The following DNM3 variants were observed in gnomAD, a reference collection of about 807,000 sequenced individuals.
DNM3 encodes the protein dynamin-3.
In DNM3, 47 loss-of-function variants were observed where a neutral mutation model predicts 101.6. The ratio of observed to expected loss-of-function variants is 0.46; its 90% CI spans 0.37 to 0.59. DNM3 has a LOEUF of 0.59. DNM3 is among the 20% of genes least tolerant of loss of function. The pLI, the probability that DNM3 is intolerant of heterozygous loss-of-function variation, is 0.00. For missense variants in DNM3, 849 were observed against 1,085.7 expected (o/e 0.78, Z 3.06); for synonymous variants, 385 against 387.9 (o/e 0.99, Z 0.09).
chr1:172,035,029 A>G lies in DNM3; in HGVS notation c.849+1764A>G, dbSNP rs563431330. On this transcript the variant is annotated intron_variant, in intron 6 of 20. Transcript: ENST00000627582. ...GACCAAGAGTAGACCAGTTAGAAGT[A>G]AAAATGAGAAATTATGGGAATTTGG... Among the ~76,000 whole-genome samples, 18 of 152,278 alleles carry G rather than the reference A, an allele frequency of 1.2e-4. 2 individuals are homozygous for G. In the South Asian group the frequency reaches 2.9e-3, roughly 25 times the overall value.
chr1:172,276,079 C>T (rs1412509438), intron 15 of DNM3, among the ~76,000 whole-genome samples: 1 of 152,000 alleles, frequency 6.6e-6, no homozygotes, highest in Non-Finnish European at 1.5e-5. Context: ...GAATGGGCAA[C>T]TTGTGAGTTA....
At chr1:172,155,724 G>A (rs905424792) in intron 14 of DNM3, among the ~76,000 whole-genome samples, 1 of 152,056 alleles carries the variant, frequency 6.6e-6, no homozygotes, top group African/African-American at 2.4e-5. Context: ...GAGATACTAA[G>A]GTAGAAAATA....
At chr1:172,261,285 T>C (rs144880555) in intron 15 of DNM3, among the ~76,000 whole-genome samples, 54 of 152,334 alleles carry the variant, frequency 3.5e-4, no homozygotes, top group South Asian at 1.0e-3. Flanking sequence ...GGAGAACTCT[T>C]TTCTGACATG....
intron 14 of DNM3, among the ~76,000 whole-genome samples, chr1:172,140,849 G>T (rs868037768): frequency 3.6e-4 from 54 of 151,866 alleles, no homozygotes; most frequent in African/African-American, 1.2e-3. Flanking sequence ...TGTTGAACCT[G>T]CCCCTAAACT....
intron 17 of DNM3, chr1:172,338,834 C>A (rs771654551): frequency 2.1e-6 from 1 of 480,906 alleles, no homozygotes; most frequent in East Asian, 5.7e-5. Context: ...ATAATCAATC[C>A]TTCATTATGG....
At position 172,227,894 on chromosome 1, in the gene DNM3, C is replaced by A. The variant is rs969482103; in HGVS notation, c.1660-25679C>A. On this transcript the variant is annotated intron_variant, in intron 14 of 20. Coordinates refer to ENST00000627582, the MANE Select transcript of DNM3 (RefSeq NM_015569.5). Reference sequence around the variant, plus strand: ...TTAGTCTAATATACAAGTTCACACACATGTGTAATTTTAATGTGCATTTCT... The same window carrying A: ...TTAGTCTAATATACAAGTTCACACAAATGTGTAATTTTAATGTGCATTTCT... Among the ~76,000 whole-genome samples the A allele has an allele frequency of 4.6e-5, 7 of 152,116 alleles. No individual in the cohort carries two copies. In the South Asian group the frequency reaches 1.5e-3, roughly 32 times the overall value.
At chr1:172,141,688 G>C (rs539069672) in intron 14 of DNM3, among the ~76,000 whole-genome samples, 23 of 152,048 alleles carry the variant, frequency 1.5e-4, no homozygotes, top group Non-Finnish European at 2.6e-4. Flanking sequence ...CTGTAGGCGA[G>C]AGGTGGGGGT....
At chr1:172,068,442 C>T (rs1159025069) in intron 10 of DNM3, among the ~76,000 whole-genome samples, 2 of 152,200 alleles carry the variant, frequency 1.3e-5, no homozygotes, top group South Asian at 2.1e-4. Flanking sequence ...GCGCCTGACA[C>T]GTGGTAGACA....
intron 1 of DNM3, among the ~76,000 whole-genome samples, chr1:171,874,860 C>A (rs767228421): frequency 3.1e-4 from 47 of 151,304 alleles, no homozygotes; most frequent in Non-Finnish European, 4.9e-4. Context: ...TGGCTATTGT[C>A]ATCTTTATGT....
chr1:172,105,226 A>C (rs1193504098), intron 13 of DNM3, among the ~76,000 whole-genome samples: 1 of 152,218 alleles, frequency 6.6e-6, no homozygotes, highest in East Asian at 1.9e-4. Flanking sequence ...ATTCCTTTAA[A>C]GTTTACTCTA....
At chr1:171,992,422 T>C (rs1383630840) in intron 4 of DNM3, among the ~76,000 whole-genome samples, 2 of 152,052 alleles carry the variant, frequency 1.3e-5, no homozygotes, top group Non-Finnish European at 2.9e-5. Context: ...GTAAGGAAAA[T>C]ATAGCATTGA....
intron 1 of DNM3, among the ~76,000 whole-genome samples, chr1:171,875,889 C>A (rs2125104544): frequency 7.7e-6 from 1 of 129,526 alleles, no homozygotes; most frequent in East Asian, 2.6e-4. Context: ...GGGCTCACTG[C>A]AGCCTCCGCC....
At chr1:171,885,740 G>T (rs997175829) in intron 1 of DNM3, among the ~76,000 whole-genome samples, 1 of 152,100 alleles carries the variant, frequency 6.6e-6, no homozygotes, top group African/African-American at 2.4e-5. Flanking sequence ...GCCTAAATGG[G>T]CTCAAGCTGC....
At chr1:172,360,697 A>G (rs1281548267) in intron 17 of DNM3, among the ~76,000 whole-genome samples, 1 of 152,022 alleles carries the variant, frequency 6.6e-6, no homozygotes, top group Non-Finnish European at 1.5e-5. Context: ...TTTTAAAACT[A>G]CACTATGGAT....
rs1212478003 is a variant in DNM3, at chr1:172,036,286, G to A, written c.850-2033G>A. Among the ~76,000 whole-genome samples the A allele has an allele frequency of 2.7e-5, 4 of 150,754 alleles. No homozygotes were observed. In the Admixed American group the frequency reaches 2.7e-4, roughly 10 times the overall value. On this transcript the variant is annotated intron_variant, in intron 6 of 20. Coordinates refer to ENST00000627582, the MANE Select transcript of DNM3 (RefSeq NM_015569.5). ...TTTTTTGTTCTTGCGATAGTTTACT[G>A]AGAATGATGATTTCCAATTTCATCC...
intron 15 of DNM3, among the ~76,000 whole-genome samples, chr1:172,294,945 G>A (rs1442028690): frequency 6.7e-6 from 1 of 148,860 alleles, no homozygotes; most frequent in Non-Finnish European, 1.5e-5. Context: ...AAAGTTATAA[G>A]TTTCACTTTC....
chr1:171,987,853 C>T (rs2045371513), intron 3 of DNM3, 48 bp downstream of exon 3: 1 of 1,480,918 alleles, frequency 6.8e-7, no homozygotes, highest in Non-Finnish European at 9.0e-7. Context: ...AACATTTATA[C>T]TACATTAATT....
chr1:172,070,113 G>A (rs1263382759), intron 11 of DNM3, among the ~76,000 whole-genome samples: 1 of 152,172 alleles, frequency 6.6e-6, no homozygotes, highest in African/African-American at 2.4e-5. Flanking sequence ...TTTTATCATT[G>A]TGTTTTGAAA....
intron 13 of DNM3, among the ~76,000 whole-genome samples, chr1:172,118,238 G>A (rs1429965731): frequency 6.6e-6 from 1 of 152,114 alleles, no homozygotes; most frequent in Non-Finnish European, 1.5e-5. Context: ...CTCTATGAAG[G>A]ATTGGCTACT....
Sources: gnomAD v4.1 joint callset for allele counts (sites outside exome capture counted in the v4.1 genomes callset) on GRCh38, gnomAD v4.1.1 for gene constraint, MANE v1.5 for transcripts, NCBI Gene and HGNC (gene_info 2026-07-23, HGNC 2026-07-21) for gene names.